The following CNTN6 variants were observed in gnomAD, a reference collection of about 807,000 sequenced individuals.
CNTN6 encodes the protein contactin 6.
In CNTN6, 137 loss-of-function variants were observed where a neutral mutation model predicts 122.8. That is an observed-to-expected ratio of 1.12 (90% confidence interval 0.97 to 1.29). The LOEUF (loss-of-function observed/expected upper bound fraction) is 1.29, where lower values mean the gene tolerates loss of function less well. Ranked by LOEUF, CNTN6 falls within the 50% of genes most tolerant of loss-of-function variation. The probability of loss-of-function intolerance (pLI) is 0.00; values close to 1 mark genes in which losing one functional copy is unlikely to be tolerated. For synonymous variants in CNTN6, 570 were observed against 426.0 expected, an observed-to-expected ratio of 1.34 and a Z score of -4.16; for missense variants, 1,634 against 1,223.4, an observed-to-expected ratio of 1.34 and a Z score of -5.01.
At chr3:1,109,376 C>A (rs549584518) in intron 1 of CNTN6, among the ~76,000 whole-genome samples, 2 of 152,106 alleles carry the variant, frequency 1.3e-5, no homozygotes, top group Non-Finnish European at 2.9e-5. Flanking sequence ...AGTTTCTAAT[C>A]TTTTATTGTT....
chr3:1,278,630 A>C (rs1378293768), intron 5 of CNTN6, 122 bp downstream of exon 5: 2 of 597,816 alleles, frequency 3.3e-6, no homozygotes, highest in Non-Finnish European at 5.9e-6. Context: ...ACTCTCGTCA[A>C]GTGCATCTAC....
chr3:1,128,061 T>G (rs572491013), intron 1 of CNTN6, among the ~76,000 whole-genome samples: 1 of 152,112 alleles, frequency 6.6e-6, no homozygotes, highest in East Asian at 1.9e-4. Context: ...CACAATTGGC[T>G]TCCGTTTTGC....
intron 1 of CNTN6, among the ~76,000 whole-genome samples, chr3:1,099,825 T>G (rs1433281831): frequency 6.6e-6 from 1 of 152,194 alleles, no homozygotes; most frequent in Non-Finnish European, 1.5e-5. Flanking sequence ...CTTTTATTGG[T>G]TTGAGGAAAT....
intron 2 of CNTN6, among the ~76,000 whole-genome samples, chr3:1,172,974 T>C (rs138677344): frequency 7.2e-5 from 11 of 152,308 alleles, no homozygotes; most frequent in Non-Finnish European, 1.6e-4. Context: ...AAGATCTTTC[T>C]CCAGGAGTGG....
At chr3:1,245,697 A>G (rs1437148558) in intron 4 of CNTN6, among the ~76,000 whole-genome samples, 1 of 151,998 alleles carries the variant, frequency 6.6e-6, no homozygotes, top group Non-Finnish European at 1.5e-5. Context: ...AAAAAAAGGA[A>G]TATAAATAAA....
intron 11 of CNTN6, among the ~76,000 whole-genome samples, chr3:1,344,589 G>A (rs1202841013): frequency 1.3e-5 from 2 of 152,136 alleles, no homozygotes; most frequent in African/African-American, 2.4e-5. Flanking sequence ...TGCTAGATAC[G>A]AGGAGAAGAG....
At chr3:1,096,382 T>C (rs1216387951) in intron 1 of CNTN6, among the ~76,000 whole-genome samples, 1 of 152,136 alleles carries the variant, frequency 6.6e-6, no homozygotes, top group Non-Finnish European at 1.5e-5. Flanking sequence ...TTAGGATTTG[T>C]TGTACTATTT....
chr3:1,122,355 G>GAAGGAAGGAAGGGAGGGAGGGAGGAAT (rs2091981483), intron 1 of CNTN6, among the ~76,000 whole-genome samples: 3 of 120,902 alleles, frequency 2.5e-5, no homozygotes, highest in African/African-American at 1.2e-4. Context: ...AGGGAAGGAG[G>GAAGGAAGGAAGGGAGGGAGGGAGGAAT]GAAGGAGGAA....
At chr3:1,119,323 G>GTGTGTGTGTGTGTGTGTGTGTGTGTGTT (rs2091859666) in intron 1 of CNTN6, among the ~76,000 whole-genome samples, 1 of 4,094 alleles carries the variant, frequency 2.4e-4, no homozygotes, top group Non-Finnish European at 4.0e-4. Context: ...CAGAAAAATC[G>GTGTGTGTGTGTGTGTGTGTGTGTGTGTT]TGTGTGTGTG....
chr3:1,249,912 T>TCG (rs1237117495), intron 4 of CNTN6, among the ~76,000 whole-genome samples: 1 of 151,312 alleles, frequency 6.6e-6, no homozygotes, highest in Non-Finnish European at 1.5e-5. Context: ...TCTGAAAGGC[T>TCG]CTGTTTTTGT....
intron 17 of CNTN6, among the ~76,000 whole-genome samples, chr3:1,378,106 T>A (rs902589591): frequency 2.0e-5 from 3 of 152,072 alleles, no homozygotes; most frequent in Non-Finnish European, 4.4e-5. Context: ...GTGGTCTTTG[T>A]GGATAGAGTC....
At chr3:1,353,568 G>C (rs975848573) in intron 12 of CNTN6, among the ~76,000 whole-genome samples, 2 of 151,624 alleles carry the variant, frequency 1.3e-5, no homozygotes, top group Non-Finnish European at 3.0e-5. Flanking sequence ...TTTTAAGACA[G>C]AGATGGACTT....
chr3:1,360,599 C>T (rs181232611), intron 12 of CNTN6, among the ~76,000 whole-genome samples: 103 of 150,482 alleles, frequency 6.8e-4, no homozygotes, highest in African/African-American at 2.5e-3. Context: ...TATGTATACA[C>T]GTATTTTTTT....
At chr3:1,110,752 C>T (rs142892876) in intron 1 of CNTN6, among the ~76,000 whole-genome samples, 185 of 152,138 alleles carry the variant, frequency 1.2e-3, no homozygotes, top group Non-Finnish European at 1.7e-3. Flanking sequence ...GAAGCTAGAA[C>T]GATGTGCAGT....
Position 1,295,653 on chromosome 3 carries a change from C to T in CNTN6, c.507C>T (p.Asp169=). The change falls in exon 6 of 23, where the codon GAC becomes GAT. Residue 169 remains aspartate, a synonymous_variant. Transcript: ENST00000446702. ...ATAACCCCTTATACGTCCAAGAGGA[C>T]AATAGGCGATTTGTATCTCAAGAGA... The part of the protein sequence containing the change: ...FNDNPLYVQE[D]NRRFVSQETG... 1 of 1,613,906 alleles carries T rather than the reference C, an allele frequency of 6.2e-7. No homozygotes were observed. Among genetic ancestry groups the T allele is most frequent in the African/African-American group, 1.3e-5 (1 of 75,032 alleles).
At chr3:1,285,238 G>A (rs1694134455) in intron 5 of CNTN6, among the ~76,000 whole-genome samples, 1 of 152,150 alleles carries the variant, frequency 6.6e-6, no homozygotes, top group Non-Finnish European at 1.5e-5. Flanking sequence ...ATTGAATGTG[G>A]GTTATAAGAG....
intron 4 of CNTN6, among the ~76,000 whole-genome samples, chr3:1,231,562 G>A (rs1019594825): frequency 3.9e-5 from 6 of 152,196 alleles, no homozygotes; most frequent in Admixed American, 2.6e-4. Context: ...ATTATGAATC[G>A]TCTCATCATG....
chr3:1,392,794 A>C (rs1167134712), intron 20 of CNTN6, among the ~76,000 whole-genome samples: 1 of 139,896 alleles, frequency 7.1e-6, no homozygotes, highest in Non-Finnish European at 1.6e-5. Context: ...CAGCCAAAAA[A>C]CACATGAAAA....
At chr3:1,346,734 G>A (rs11920256) in intron 11 of CNTN6, among the ~76,000 whole-genome samples, 14,886 of 152,056 alleles carry the variant, frequency 0.098, 813 homozygotes, top group Non-Finnish European at 0.12. Flanking sequence ...CTAAGACACC[G>A]GAAAAACGAG....
Sources: allele counts gnomAD v4.1 joint callset (sites outside exome capture counted in the v4.1 genomes callset), GRCh38; gene constraint gnomAD v4.1.1; transcripts MANE v1.5; gene names NCBI Gene and HGNC (gene_info 2026-07-23, HGNC 2026-07-21).